Variants in SHANK2 observed in about 807,000 individuals in gnomAD.
The protein encoded by SHANK2 is SH3 and multiple ankyrin repeat domains 2, also known as SH3 and multiple ankyrin repeat domains protein 2.
A neutral mutation model predicts 133.7 loss-of-function variants in SHANK2; 43 were observed. The ratio of observed to expected loss-of-function variants is 0.32; its 90% CI spans 0.25 to 0.41. SHANK2 has a LOEUF of 0.41. Ranked by LOEUF, SHANK2 falls within the 10% of genes least tolerant of loss-of-function variation. The probability of loss-of-function intolerance (pLI) is 1.00; values close to 1 mark genes in which losing one functional copy is unlikely to be tolerated. For missense variants in SHANK2, 1,994 were observed against 2,235.8 expected (o/e 0.89, Z 2.18); for synonymous variants, 1,017 against 952.8 (o/e 1.07, Z -1.24).
At chr11:70,492,505 G>A (rs782373037) in intron 21 of SHANK2, 40 bp from the exon 22 acceptor site, 2 of 1,612,598 alleles carry the variant, frequency 1.2e-6, no homozygotes, top group Admixed American at 1.7e-5. Flanking sequence ...CAACACCAGT[G>A]GGGGAAGCTG....
At chr11:71,072,286 C>T (rs1303521443) in intron 9 of SHANK2, among the ~76,000 whole-genome samples, 1 of 152,106 alleles carries the variant, frequency 6.6e-6, no homozygotes, top group Non-Finnish European at 1.5e-5. Flanking sequence ...GGACCAGCAG[C>T]CTCCTGCGGG....
At chr11:71,071,840 C>T (rs1280085943) in intron 9 of SHANK2, among the ~76,000 whole-genome samples, 3 of 152,166 alleles carry the variant, frequency 2.0e-5, no homozygotes, top group East Asian at 3.9e-4. Context: ...AGGATGGGAG[C>T]ACTGCTTTGG....
intron 10 of SHANK2, among the ~76,000 whole-genome samples, chr11:70,937,445 G>A (rs782485948): frequency 1.1e-4 from 16 of 152,308 alleles, no homozygotes; most frequent in Middle Eastern, 3.4e-3. Context: ...GTGACCTTCG[G>A]ATGATGGACA....
chr11:70,738,719 C>T (rs560457913), intron 14 of SHANK2, among the ~76,000 whole-genome samples: 4 of 152,320 alleles, frequency 2.6e-5, no homozygotes, highest in African/African-American at 9.6e-5. Flanking sequence ...CGTCTCCAGG[C>T]TATGTCCCCT....
intron 10 of SHANK2, chr11:70,952,770 G>T (rs1950863850): frequency 5.9e-6 from 2 of 336,378 alleles, no homozygotes; most frequent in African/African-American, 4.0e-5. Flanking sequence ...CTGAGCAGCA[G>T]AAGTGTGGGA....
At chr11:70,865,350 G>T (rs1949336043) in intron 11 of SHANK2, among the ~76,000 whole-genome samples, 1 of 151,010 alleles carries the variant, frequency 6.6e-6, no homozygotes, top group African/African-American at 2.5e-5. Flanking sequence ...GCAGAACTAG[G>T]CGACGTCTAA....
Position 70,572,066 on chromosome 11 carries a change from G to T in SHANK2, c.2062-69135C>A, listed in dbSNP as rs571604790. Among the ~76,000 whole-genome samples, 3 of 152,326 alleles carry T rather than the reference G, an allele frequency of 2.0e-5. No homozygotes were observed. The East Asian group carries it at 5.8e-4, about 29-fold the overall frequency. ...TGCCACTTGAGCACAGCGTGAGAAG[G>T]CGGCCATCTCCACACCAGGGACAGG... On this transcript the variant is annotated intron_variant, in intron 17 of 25. Transcript: ENST00000601538.
intron 11 of SHANK2, among the ~76,000 whole-genome samples, chr11:70,890,415 T>C (rs1241546758): frequency 2.0e-5 from 3 of 149,500 alleles, no homozygotes; most frequent in Non-Finnish European, 4.4e-5. Context: ...CTGAGGCATG[T>C]GGATGATGAA....
intron 17 of SHANK2, among the ~76,000 whole-genome samples, chr11:70,544,769 G>A (rs2059668389): frequency 6.6e-6 from 1 of 152,254 alleles, no homozygotes; most frequent in Non-Finnish European, 1.5e-5. Flanking sequence ...TGCGACGACA[G>A]AGGCGAGACC....
intron 11 of SHANK2, among the ~76,000 whole-genome samples, chr11:70,876,377 G>A (rs2360183): frequency 0.93 from 140,437 of 150,804 alleles, 66,142 homozygotes; most frequent in Non-Finnish European, 1. Context: ...TGGCTAACAC[G>A]GTGAAACCTC....
At chr11:70,656,830 C>A (rs1234270704) in intron 17 of SHANK2, among the ~76,000 whole-genome samples, 1 of 152,100 alleles carries the variant, frequency 6.6e-6, no homozygotes, top group Non-Finnish European at 1.5e-5. Flanking sequence ...GGTGGTCAAC[C>A]AAGGAACAAA....
At chr11:71,151,627 C>T (rs1423512903) in intron 2 of SHANK2, among the ~76,000 whole-genome samples, 1 of 152,220 alleles carries the variant, frequency 6.6e-6, no homozygotes, top group Non-Finnish European at 1.5e-5. Flanking sequence ...CTCATTAATG[C>T]AGAAAGAAGC....
chr11:70,938,335 G>A (rs911071718), intron 10 of SHANK2, among the ~76,000 whole-genome samples: 1 of 152,136 alleles, frequency 6.6e-6, no homozygotes, highest in African/African-American at 2.4e-5. Flanking sequence ...GCAAACGAAG[G>A]TAGAACCACT....
At chr11:70,802,466 A>ATC (rs1948067343) in intron 13 of SHANK2, among the ~76,000 whole-genome samples, 1 of 152,124 alleles carries the variant, frequency 6.6e-6, no homozygotes, top group South Asian at 2.1e-4. Flanking sequence ...TGGGTACAGA[A>ATC]ACCTGCCAGG....
At chr11:70,913,805 T>A (rs934286790) in intron 10 of SHANK2, among the ~76,000 whole-genome samples, 20 of 152,202 alleles carry the variant, frequency 1.3e-4, no homozygotes, top group African/African-American at 4.8e-4. Flanking sequence ...CATGGTGTCA[T>A]TGCCGGATGG....
chr11:71,108,937 G>GCC (rs145726757), intron 6 of SHANK2, among the ~76,000 whole-genome samples: 10 of 150,912 alleles, frequency 6.6e-5, no homozygotes, highest in Admixed American at 2.0e-4. Context: ...CACCCAGCGG[G>GCC]CCCCCCCCCA....
At chr11:70,504,985 GC>G (rs1302881809) in intron 17 of SHANK2, among the ~76,000 whole-genome samples, 2 of 152,106 alleles carry the variant, frequency 1.3e-5, no homozygotes, top group African/African-American at 2.4e-5. Flanking sequence ...AAGCCATGAG[GC>G]ACAGGCAGTT....
chr11:70,564,002 T>A (rs1186367193), intron 17 of SHANK2, among the ~76,000 whole-genome samples: 1 of 152,250 alleles, frequency 6.6e-6, no homozygotes, highest in Admixed American at 6.5e-5. Flanking sequence ...TCTGACACTA[T>A]GCCTGCTGTC....
chr11:71,141,506 T>TCAAA (rs781996994), intron 3 of SHANK2, among the ~76,000 whole-genome samples: 1 of 152,030 alleles, frequency 6.6e-6, no homozygotes, highest in African/African-American at 2.4e-5. Context: ...AGACTCTTTC[T>TCAAA]CAAACAAACA....
Sources: gnomAD v4.1 joint callset for allele counts (sites outside exome capture counted in the v4.1 genomes callset) on GRCh38, gnomAD v4.1.1 for gene constraint, MANE v1.5 for transcripts, NCBI Gene and HGNC (gene_info 2026-07-23, HGNC 2026-07-21) for gene names.